Variants in GLB1 observed in about 807,000 individuals in gnomAD.
GLB1 encodes the protein galactosidase beta 1, also known as beta-galactosidase.
A neutral mutation model predicts 74.0 loss-of-function variants in GLB1; 56 were observed. The observed-to-expected ratio is 0.76, with a 90% confidence interval of 0.61 to 0.94. The LOEUF is 0.94. Ranked by LOEUF, GLB1 falls within the 40% of genes least tolerant of loss-of-function variation. The pLI is 0.00. For synonymous variants in GLB1, 323 were observed against 323.6 expected (o/e 1.00, Z 0.02); for missense variants, 787 against 845.5 (o/e 0.93, Z 0.86).
At chr3:32,982,331 A>C in the GLB1 span, among the ~76,000 whole-genome samples, 6 of 149,898 alleles carry the variant, frequency 4.0e-5, no homozygotes, top group Non-Finnish European at 4.4e-5. Flanking sequence ...AAAAAAAAAA[A>C]AACTTATTTC....
At chr3:33,082,768 G>A (rs773152375) in intron 1 of GLB1, among the ~76,000 whole-genome samples, 1 of 152,176 alleles carries the variant, frequency 6.6e-6, no homozygotes, top group Non-Finnish European at 1.5e-5. Context: ...CTGCCCTGCT[G>A]TATCACACGA....
intron 10 of GLB1, among the ~76,000 whole-genome samples, chr3:33,042,248 G>A (rs1190155036): frequency 6.6e-6 from 1 of 151,924 alleles, no homozygotes; most frequent in Non-Finnish European, 1.5e-5. Context: ...CTTTAACAAC[G>A]GCTCTGCTCA....
At chr3:33,094,968 T>C (rs1700947022) in intron 1 of GLB1, among the ~76,000 whole-genome samples, 1 of 152,220 alleles carries the variant, frequency 6.6e-6, no homozygotes, top group South Asian at 2.1e-4. Context: ...TCCAGCACTT[T>C]GGGAGGCCGA....
intron 1 of GLB1, among the ~76,000 whole-genome samples, chr3:33,078,656 G>A (rs924548276): frequency 1.3e-5 from 2 of 152,086 alleles, no homozygotes; most frequent in Non-Finnish European, 2.9e-5. Context: ...AGTATTATTT[G>A]GAAATGAAAG....
At chr3:33,028,863 C>G (rs1697888276) in intron 10 of GLB1, among the ~76,000 whole-genome samples, 1 of 152,052 alleles carries the variant, frequency 6.6e-6, no homozygotes, top group African/African-American at 2.4e-5. Context: ...AACGGGTTTT[C>G]TCCATGTTGG....
At chr3:33,091,663 T>C (rs1700768466) in intron 1 of GLB1, 1 of 984,912 alleles carries the variant, frequency 1.0e-6, no homozygotes, top group Non-Finnish European at 1.2e-6. Flanking sequence ...CATTTTAGGG[T>C]TGATGGAAAC....
chr3:33,017,680 A>G (rs1428826024), intron 13 of GLB1, among the ~76,000 whole-genome samples: 1 of 152,216 alleles, frequency 6.6e-6, no homozygotes, highest in Non-Finnish European at 1.5e-5. Context: ...CATTTCAGTA[A>G]TAGTTGTCAC....
the GLB1 span, among the ~76,000 whole-genome samples, chr3:32,964,519 G>A: frequency 7.2e-5 from 11 of 152,298 alleles, no homozygotes; most frequent in African/African-American, 2.6e-4. Context: ...GCAGTAAAAA[G>A]TTCACAGTTT....
chr3:33,028,175 A>G (rs1385062047), intron 10 of GLB1, among the ~76,000 whole-genome samples: 1 of 152,208 alleles, frequency 6.6e-6, no homozygotes, highest in Non-Finnish European at 1.5e-5. Context: ...AAGTGCTGGA[A>G]TTACAGGTGT....
At chr3:33,004,107 G>T (rs553784577) in intron 15 of GLB1, among the ~76,000 whole-genome samples, 1 of 152,074 alleles carries the variant, frequency 6.6e-6, no homozygotes, top group African/African-American at 2.4e-5. Context: ...GCCAAACAAC[G>T]TGGAAGAAGT....
At chr3:33,010,115 C>T (rs1261758898) in intron 15 of GLB1, among the ~76,000 whole-genome samples, 5 of 152,108 alleles carry the variant, frequency 3.3e-5, no homozygotes, top group South Asian at 2.1e-4. Flanking sequence ...TACCTAGGAG[C>T]GGAATTGCTG....
chr3:33,021,913 T>C (rs1322834389), intron 11 of GLB1, among the ~76,000 whole-genome samples: 1 of 152,190 alleles, frequency 6.6e-6, no homozygotes, highest in East Asian at 1.9e-4. Context: ...TCCAACCTGC[T>C]CAGAGACCTA....
the GLB1 span, among the ~76,000 whole-genome samples, chr3:32,964,743 C>T: frequency 1.3e-5 from 2 of 152,116 alleles, no homozygotes; most frequent in South Asian, 4.1e-4. Context: ...ACGACTTGTT[C>T]AAGAATGTTG....
chr3:33,072,954 A>G (rs772012178), intron 1 of GLB1, among the ~76,000 whole-genome samples: 1 of 152,142 alleles, frequency 6.6e-6, no homozygotes, highest in Non-Finnish European at 1.5e-5. Flanking sequence ...TAGCTTCTAG[A>G]GGCCAGCACT....
the GLB1 span, among the ~76,000 whole-genome samples, chr3:32,980,246 C>T: frequency 6.6e-6 from 1 of 152,254 alleles, no homozygotes; most frequent in East Asian, 1.9e-4. Flanking sequence ...AATACAAGAT[C>T]TTGCTATGTT....
At chr3:33,027,526 T>C (rs763338922) in intron 10 of GLB1, among the ~76,000 whole-genome samples, 1 of 152,358 alleles carries the variant, frequency 6.6e-6, no homozygotes, top group African/African-American at 2.4e-5. Flanking sequence ...CTCACGCCTA[T>C]ATTCCCAGCA....
At chr3:33,076,512 A>T (rs1700111438) in intron 1 of GLB1, among the ~76,000 whole-genome samples, 1 of 152,220 alleles carries the variant, frequency 6.6e-6, no homozygotes, top group African/African-American at 2.4e-5. Flanking sequence ...AGATGTGGCT[A>T]TGGCCCACGG....
chr3:33,051,691 C>G, intron 9 of GLB1, 67 bp downstream of exon 9: 8 of 1,609,718 alleles, frequency 5.0e-6, no homozygotes, highest in Non-Finnish European at 8.5e-7. Flanking sequence ...TGTGGGCACA[C>G]CCCTCCTCAA....
At chr3:33,092,339 C>A in intron 1 of GLB1, 1 of 987,612 alleles carries the variant, frequency 1.0e-6, no homozygotes, top group Non-Finnish European at 1.2e-6. Context: ...GCCCTTCCAT[C>A]TTGCCTGTTC....
Sources: gnomAD v4.1 joint callset for allele counts (sites outside exome capture counted in the v4.1 genomes callset) on GRCh38, gnomAD v4.1.1 for gene constraint, MANE v1.5 for transcripts, NCBI Gene and HGNC (gene_info 2026-07-23, HGNC 2026-07-21) for gene names.